The following RORA variants were observed in gnomAD, a reference collection of about 807,000 sequenced individuals.
RORA encodes the protein RAR related orphan receptor A, also known as nuclear receptor ROR-alpha.
Under a neutral mutation model 69.5 loss-of-function variants are expected in RORA, and 7 were observed. That is an observed-to-expected ratio of 0.10 (90% CI 0.06 to 0.19). RORA has a LOEUF of 0.19. RORA is among the 10% of genes least tolerant of loss of function. The pLI is 1.00. For synonymous variants in RORA, 261 were observed against 240.8 expected (o/e 1.08, Z -0.78); for missense variants, 457 against 663.0 (o/e 0.69, Z 3.41).
At chr15:61,138,459 G>A (rs964186131) in intron 1 of RORA, among the ~76,000 whole-genome samples, 2 of 152,062 alleles carry the variant, frequency 1.3e-5, no homozygotes, top group African/African-American at 4.8e-5. Flanking sequence ...ACTCCCCCAG[G>A]GTTACGAAGA....
chr15:60,910,979 C>T (rs1891693797), intron 1 of RORA, among the ~76,000 whole-genome samples: 1 of 147,090 alleles, frequency 6.8e-6, no homozygotes, highest in Non-Finnish European at 1.5e-5. Context: ...TCCTGGCTCA[C>T]TGCAACCTCC....
At chr15:61,138,903 T>C (rs932655700) in intron 1 of RORA, among the ~76,000 whole-genome samples, 1 of 152,066 alleles carries the variant, frequency 6.6e-6, no homozygotes, top group Non-Finnish European at 1.5e-5. Context: ...CCCAGCACTT[T>C]GGGAGGCCGA....
intron 1 of RORA, among the ~76,000 whole-genome samples, chr15:61,079,002 C>T (rs1309015367): frequency 6.6e-6 from 1 of 152,148 alleles, no homozygotes; most frequent in African/African-American, 2.4e-5. Context: ...TACCTTTCCA[C>T]AAGTGGTAGG....
At chr15:61,091,269 T>G (rs1358829687) in intron 1 of RORA, among the ~76,000 whole-genome samples, 3 of 152,174 alleles carry the variant, frequency 2.0e-5, no homozygotes, top group African/African-American at 4.8e-5. Context: ...CAGAGCTCTA[T>G]CTTTGTGAAC....
intron 1 of RORA, among the ~76,000 whole-genome samples, chr15:60,891,013 T>C (rs1288938910): frequency 6.6e-6 from 1 of 152,146 alleles, no homozygotes. Flanking sequence ...TTCACAGTTC[T>C]CCGTGGGAAG....
chr15:61,185,179 G>A (rs1001555657), intron 1 of RORA, among the ~76,000 whole-genome samples: 4 of 152,066 alleles, frequency 2.6e-5, no homozygotes, highest in Admixed American at 1.3e-4. Context: ...TCATGGTTTG[G>A]ATGTGTCCCT....
chr15:61,173,323 G>A (rs1393982326), intron 1 of RORA, among the ~76,000 whole-genome samples: 1 of 152,222 alleles, frequency 6.6e-6, no homozygotes, highest in Non-Finnish European at 1.5e-5. Context: ...ACTGCACTGT[G>A]CAGCCTGAAT....
chr15:60,507,502 A>G (rs1481067985), intron 5 of RORA, among the ~76,000 whole-genome samples: 3 of 152,234 alleles, frequency 2.0e-5, no homozygotes, highest in Non-Finnish European at 4.4e-5. Context: ...AATAAATAAC[A>G]TAAAAAATAA....
chr15:61,182,778 T>C (rs1280804817), intron 1 of RORA, among the ~76,000 whole-genome samples: 1 of 152,238 alleles, frequency 6.6e-6, no homozygotes, highest in African/African-American at 2.4e-5. Context: ...CTCGATGGCA[T>C]GACACAATAT....
intron 2 of RORA, chr15:60,556,833 C>G (rs2067375448): frequency 6.4e-7 from 1 of 1,574,140 alleles, no homozygotes; most frequent in Non-Finnish European, 8.7e-7. Context: ...TTGCAAATTA[C>G]AGTGGATGTT....
Position 61,110,347 on chromosome 15 carries a change from A to G in RORA, c.166+118706T>C, listed in dbSNP as rs187639090. ...GAGACAGAGGTTGCAGTGAGCTGAGATCACACCTCTATACTCCAGCCTGGC... is the reference window on the plus strand; with the variant it reads ...GAGACAGAGGTTGCAGTGAGCTGAGGTCACACCTCTATACTCCAGCCTGGC... On this transcript the variant is annotated intron_variant, in intron 1 of 10. Transcript: ENST00000335670. 6.5e-3 allele frequency among the ~76,000 whole-genome samples: 959 copies of G among 147,760 alleles called. 6 individuals carry two copies. Among genetic ancestry groups the G allele is most frequent in the Admixed American group, 0.027 (407 of 14,966 alleles).
intron 1 of RORA, among the ~76,000 whole-genome samples, chr15:60,780,411 T>C (rs1042978831): frequency 3.9e-5 from 6 of 152,188 alleles, no homozygotes; most frequent in Non-Finnish European, 5.9e-5. Context: ...GCATGTAAGA[T>C]ACATGACCTG....
intron 2 of RORA, among the ~76,000 whole-genome samples, chr15:60,618,373 G>A (rs1008822873): frequency 6.6e-6 from 1 of 152,198 alleles, no homozygotes; most frequent in African/African-American, 2.4e-5. Context: ...GTAGCAGGTG[G>A]TGACACAGAT....
chr15:60,750,126 A>T (rs945903459), intron 1 of RORA, among the ~76,000 whole-genome samples: 1 of 152,252 alleles, frequency 6.6e-6, no homozygotes, highest in African/African-American at 2.4e-5. Flanking sequence ...CTACAGATGG[A>T]TACTATTATC....
rs560295313 is a variant in RORA, at chr15:60,862,789, C to T, written c.167-184103G>A. Among the ~76,000 whole-genome samples the T allele has an allele frequency of 1.2e-4, 19 of 152,246 alleles. No homozygotes were observed. In the East Asian group the frequency reaches 3.7e-3, roughly 29 times the overall value. ...CTTTGACTAGATTCTGAGGTCGGAG[C>T]CTTAATTAGAGTCACAATTGTATTG... On this transcript the variant is annotated intron_variant, in intron 1 of 10. Transcript: ENST00000335670.
At chr15:60,740,792 C>CCT (rs140404563) in intron 1 of RORA, among the ~76,000 whole-genome samples, 35 of 151,314 alleles carry the variant, frequency 2.3e-4, no homozygotes, top group African/African-American at 3.1e-4. Flanking sequence ...CTTCATAGAG[C>CCT]CTCTCTCTCT....
In RORA at chr15:60,633,950, A is replaced by C. The variant is rs114705010; in HGVS notation, c.196+44707T>G. Among the ~76,000 whole-genome samples, 764 of 152,342 alleles carry C rather than the reference A, an allele frequency of 5.0e-3. 6 individuals carry two copies. The highest frequency in any genetic ancestry group is 0.017 in the African/African-American group (718 of 41,574). On this transcript the variant is annotated intron_variant, in intron 2 of 10. Coordinates refer to ENST00000335670, the MANE Select transcript of RORA (RefSeq NM_134261.3). ...GAGAGATGCAAGGTATTATGTACCAATGATCCCTAAATATTCTTTTCTTCT... is the reference window on the plus strand; with the variant it reads ...GAGAGATGCAAGGTATTATGTACCACTGATCCCTAAATATTCTTTTCTTCT...
At chr15:60,995,761 C>G (rs1894514159) in intron 1 of RORA, among the ~76,000 whole-genome samples, 1 of 152,212 alleles carries the variant, frequency 6.6e-6, no homozygotes, top group Non-Finnish European at 1.5e-5. Flanking sequence ...TTCACTAACA[C>G]CAAATAGTAC....
intron 1 of RORA, among the ~76,000 whole-genome samples, chr15:60,835,756 C>T (rs556351319): frequency 2.6e-5 from 4 of 152,316 alleles, no homozygotes; most frequent in South Asian, 2.1e-4. Flanking sequence ...GCTATTGAAT[C>T]GTTACGATCC....
Sources: allele counts gnomAD v4.1 joint callset (sites outside exome capture counted in the v4.1 genomes callset), GRCh38; gene constraint gnomAD v4.1.1; transcripts MANE v1.5; gene names NCBI Gene and HGNC (gene_info 2026-07-23, HGNC 2026-07-21).